The following MYH6 variants were observed in gnomAD, a reference collection of about 807,000 sequenced individuals.
MYH6 encodes the protein myosin-6.
In MYH6, 126 loss-of-function variants were observed where a neutral mutation model predicts 223.2. The ratio of observed to expected loss-of-function variants is 0.56; its 90% CI spans 0.49 to 0.65. The LOEUF (loss-of-function observed/expected upper bound fraction) is 0.65. MYH6 is among the 30% of genes least tolerant of loss of function. The pLI, the probability that MYH6 is intolerant of heterozygous loss-of-function variation, is 0.00. For missense variants in MYH6, 2,040 were observed against 2,536.4 expected (o/e 0.80, Z 4.20); for synonymous variants, 978 against 1,010.2 (o/e 0.97, Z 0.61).
chr14:23,384,552 C>T lies in MYH6; in HGVS notation c.5455G>A (p.Ala1819Thr). ...GGKKQLQKLE[A>T]RVRELEGELE... ...TCACCCTCCAGCTCCCGCACCCGCG[C>T]TTCCAGCTTCTGCAGCTGCTTCTTG... Residue 1819 changes from alanine (A) to threonine (T), a missense_variant, in exon 36 of 39, where the codon GCG (alanine) becomes ACG (threonine). By Grantham distance (58) the Ala-to-Thr change is moderately conservative. Coordinates refer to ENST00000405093, the MANE Select transcript of MYH6 (RefSeq NM_002471.4). 6.2e-7 allele frequency: 1 copy of T among 1,613,588 alleles called. No individual in the cohort carries two copies. Among genetic ancestry groups the T allele is most frequent in the Non-Finnish European group, 8.5e-7 (1 of 1,180,040 alleles).
intron 32 of MYH6, 80 bp from the exon 33 acceptor site, chr14:23,386,703 A>G (rs1057422546): frequency 2.7e-6 from 4 of 1,489,690 alleles, no homozygotes; most frequent in Non-Finnish European, 3.6e-6. Flanking sequence ...ACACGGTGTC[A>G]GCCAGGACTA....
At chr14:23,384,858 C>T in intron 35 of MYH6, 58 bp downstream of exon 35, 1 of 1,613,272 alleles carries the variant, frequency 6.2e-7, no homozygotes. Flanking sequence ...GTGGCCTGGC[C>T]TGGACCCAAG....
At chr14:23,404,915 C>T in intron 6 of MYH6, 93 bp from the exon 7 acceptor site, 2 of 1,485,590 alleles carry the variant, frequency 1.3e-6, no homozygotes, top group Admixed American at 1.7e-5. Context: ...GCCTGGCCAT[C>T]AGAGCCCAGC....
intron 14 of MYH6, chr14:23,399,976 C>T (rs1227505725): frequency 6.0e-6 from 3 of 501,970 alleles, no homozygotes; most frequent in South Asian, 2.1e-5. Flanking sequence ...TGACGCTTCT[C>T]ATGGGCGGTC....
At chr14:23,403,298 G>A in intron 10 of MYH6, 50 bp downstream of exon 10, 1 of 1,471,158 alleles carries the variant, frequency 6.8e-7, no homozygotes, top group Non-Finnish European at 9.5e-7. Flanking sequence ...AGGAGTCGTT[G>A]GGGTGTGCAG....
In MYH6 at chr14:23,399,024, A is replaced by T. The variant is rs1166850300; in HGVS notation, c.1595T>A (p.Met532Lys). The stretch of plus-strand genomic sequence containing the variant: ...CATGCACTCCTCCTCCAGGATGGAC[A>T]TGATGCCCATGGGCTGAGGGCAGGG... ...IDLIEKPMGI[M>K]SILEEECMFP... The change falls in exon 15 of 39, where the codon ATG (methionine) becomes AAG (lysine). Residue 532 changes from methionine to lysine, a missense_variant. Transcript: ENST00000405093. The T allele has an allele frequency of 6.2e-7, 1 of 1,613,952 alleles. No individual in the cohort carries two copies. Among genetic ancestry groups the T allele is most frequent in the African/African-American group, 1.3e-5 (1 of 74,886 alleles).
At chr14:23,404,516 C>G (rs932163765) in intron 7 of MYH6, 128 bp from the exon 8 acceptor site, 1 of 1,198,084 alleles carries the variant, frequency 8.3e-7, no homozygotes, top group Non-Finnish European at 1.2e-6. Context: ...AGTGGGTCTG[C>G]GACTCCACAG....
At chr14:23,385,096 T>C (rs961651385) in intron 34 of MYH6, 55 bp from the exon 35 acceptor site, 1 of 1,609,622 alleles carries the variant, frequency 6.2e-7, no homozygotes, top group Non-Finnish European at 8.5e-7. Flanking sequence ...GTTACCTGAT[T>C]TCATACCCTT....
At position 23,397,932 on chromosome 14, in the gene MYH6, C is replaced by CTCTTCTTCTTCTTCTTCTTCTTTT. The variant is rs1595059572; in HGVS notation, c.1892-320_1892-319insAAAAGAAGAAGAAGAAGAAGAAGA. Among the ~76,000 whole-genome samples, 148 of 90,220 alleles carry CTCTTCTTCTTCTTCTTCTTCTTTT rather than the reference C, an allele frequency of 1.6e-3. 6 individuals carry two copies. Among genetic ancestry groups the CTCTTCTTCTTCTTCTTCTTCTTTT allele is most frequent in the Middle Eastern group, 0.01 (2 of 192 alleles). 59.2% of individuals were successfully genotyped at this position (90,220 alleles called of 152,430 possible). On this transcript the variant is annotated intron_variant, in intron 15 of 38. Coordinates refer to ENST00000405093, the MANE Select transcript of MYH6 (RefSeq NM_002471.4). ...AGTTCTCCTCCTCCTCCTCCTCCTCCTCTTCTTCTTCTTCTTCTTCTTCTT... is the reference window on the plus strand; with the variant it reads ...AGTTCTCCTCCTCCTCCTCCTCCTCCTCTTCTTCTTCTTCTTCTTCTTTTTCTTCTTCTTCTTCTTCTTCTTCTT...
rs371367870 is a variant in MYH6 at position 23,404,889 on chromosome 14, C to T, written c.531-67G>A. ...GTTCTCCATACAGGGCTCAGCATCA[C>T]ATGCTCCCCTTCCCAGCCTGGCCAT... is the stretch of plus-strand genomic sequence containing the variant. On this transcript the variant is annotated intron_variant, in intron 6 of 38. Coordinates refer to ENST00000405093, the MANE Select transcript of MYH6 (RefSeq NM_002471.4). The T allele has an allele frequency of 2.0e-3, 3,001 of 1,535,742 alleles. 49 individuals carry two copies. The South Asian group carries it at 0.025, about 13-fold the overall frequency.
intron 12 of MYH6, among the ~76,000 whole-genome samples, chr14:23,401,723 CAT>C (rs571387547): frequency 3.8e-4 from 58 of 152,358 alleles, no homozygotes; most frequent in Middle Eastern, 3.4e-3. Context: ...TCTCCATCCA[CAT>C]GTTACCCAAT....
chr14:23,397,832 A>AGTAG (rs1429197056), intron 15 of MYH6, among the ~76,000 whole-genome samples: 7 of 152,302 alleles, frequency 4.6e-5, no homozygotes, highest in African/African-American at 1.7e-4. Flanking sequence ...GCTTGCCCAT[A>AGTAG]GTAGGCACTG....
chr14:23,397,932 C>CTCCTCTTCT (rs1891452078), intron 15 of MYH6, among the ~76,000 whole-genome samples: 16 of 90,198 alleles, frequency 1.8e-4, no homozygotes, highest in Non-Finnish European at 2.3e-4. Context: ...CCTCCTCCTC[C>CTCCTCTTCT]TCTTCTTCTT....
chr14:23,384,437 C>A lies in MYH6; in HGVS notation c.5565+5G>T, dbSNP rs527840758. On this transcript the variant is annotated splice_donor_5th_base_variant and intron_variant, in intron 36 of 38. Coordinates refer to ENST00000405093, the MANE Select transcript of MYH6 (RefSeq NM_002471.4). ...TCTACTCCTGGTGTCTGGCGTCCGC[C>A]GCACCTGGTAGGTGAGCTCCTTGAT... 1 of 1,609,596 alleles carries A rather than the reference C, an allele frequency of 6.2e-7. No individual in the cohort carries two copies. Among genetic ancestry groups the A allele is most frequent in the Non-Finnish European group, 8.5e-7 (1 of 1,180,004 alleles).
chr14:23,382,598 G>A (rs903302004), intron 37 of MYH6, 36 bp from the exon 38 acceptor site: 1 of 1,614,032 alleles, frequency 6.2e-7, no homozygotes, highest in African/African-American at 1.3e-5. Flanking sequence ...GAATGAGCTG[G>A]AGATGGGCTA....
rs34855944 is a variant in MYH6, at chr14:23,387,652, C to T, written c.4527G>A (p.Glu1509=). 8.7e-3 allele frequency: 14,084 copies of T among 1,614,074 alleles called. 262 individuals carry two copies. Among genetic ancestry groups the T allele is most frequent in the African/African-American group, 0.075 (5,645 of 74,986 alleles). The change falls in exon 32 of 39, where the codon GAG becomes GAA. Residue 1509 remains glutamate (E), a splice_region_variant and synonymous_variant. Coordinates refer to ENST00000405093, the MANE Select transcript of MYH6 (RefSeq NM_002471.4). ...TFKRENKNLQ[E]EISDLTEQLG... ...GCTGCTCAGTAAGGTCCGAGATTTCCTCTGGGGACCAGAGGGCCAGAAAGC... is the reference window on the plus strand; with the variant it reads ...GCTGCTCAGTAAGGTCCGAGATTTCTTCTGGGGACCAGAGGGCCAGAAAGC...
At chr14:23,399,977 A>T in intron 14 of MYH6, 1 of 503,510 alleles carries the variant, frequency 2.0e-6, no homozygotes, top group Non-Finnish European at 3.6e-6. Flanking sequence ...GACGCTTCTC[A>T]TGGGCGGTCA....
At position 23,382,022 on chromosome 14, in the gene MYH6, G is replaced by C. The variant is rs549328187; in HGVS notation, c.*18C>G. 1.9e-6 allele frequency: 3 copies of C among 1,614,188 alleles called. No homozygotes were observed. In the East Asian group the frequency reaches 6.7e-5, roughly 36 times the overall value. ...ATATTTATTACAGGTTGGCAAGAGTGAGGTTCCCGAGGCAGTGTCACTCCT... is the reference window on the plus strand; with the variant it reads ...ATATTTATTACAGGTTGGCAAGAGTCAGGTTCCCGAGGCAGTGTCACTCCT... On this transcript the variant is annotated 3_prime_UTR_variant, in exon 39 of 39. Coordinates refer to ENST00000405093, the MANE Select transcript of MYH6 (RefSeq NM_002471.4).
chr14:23,386,027 C>T lies in MYH6; in HGVS notation c.5064G>A (p.Glu1688=), dbSNP rs1400941701. The T allele has an allele frequency of 1.2e-6, 2 of 1,614,108 alleles. No individual in the cohort carries two copies. Among genetic ancestry groups the T allele is most frequent in the Non-Finnish European group, 1.7e-6 (2 of 1,180,058 alleles). ...TCTGCTCCACCACGGCACGCAGCTCCTCCAGCTCAGCCTGCAGCAGGTTGT... is the reference window on the plus strand; with the variant it reads ...TCTGCTCCACCACGGCACGCAGCTCTTCCAGCTCAGCCTGCAGCAGGTTGT... ...RRNNLLQAEL[E]ELRAVVEQTE... is the part of the protein sequence containing the mutation. The change falls in exon 34 of 39, where the codon GAG becomes GAA. Residue 1688 remains glutamate, a synonymous_variant. Coordinates refer to ENST00000405093, the MANE Select transcript of MYH6 (RefSeq NM_002471.4).
Sources: gnomAD v4.1 joint callset for allele counts (sites outside exome capture counted in the v4.1 genomes callset) on GRCh38, gnomAD v4.1.1 for gene constraint, MANE v1.5 for transcripts, NCBI Gene and HGNC (gene_info 2026-07-23, HGNC 2026-07-21) for gene names.